The following HOMER2 variants were observed in gnomAD, a reference collection of about 807,000 sequenced individuals.
HOMER2 encodes the protein homer scaffold protein 2.
A neutral mutation model predicts 47.0 loss-of-function variants in HOMER2; 27 were observed. The observed-to-expected ratio is 0.57, with a 90% CI of 0.42 to 0.79. HOMER2 has a LOEUF of 0.79. Among genes scored for constraint, HOMER2 ranks in the 30% least tolerant of loss-of-function variants. The pLI, the probability that HOMER2 is intolerant of heterozygous loss-of-function variation, is 0.00. For missense variants in HOMER2, 443 were observed against 435.0 expected (o/e 1.02, Z -0.16); for synonymous variants, 161 against 163.8 (o/e 0.98, Z 0.13).
chr15:82,918,674 C>T lies in HOMER2; in HGVS notation c.6-25833G>A, dbSNP rs151334653. On this transcript the variant is annotated intron_variant, in intron 1 of 8. Transcript: ENST00000450735. ...CACCTTACCTCCCTGCTGCTGTTCT[C>T]CCTGCACCCCTATTTCAGTGACTCA... Among the ~76,000 whole-genome samples, 56 of 152,284 alleles carry T rather than the reference C, an allele frequency of 3.7e-4. 1 individual carries two copies. In the East Asian group the frequency reaches 0.01, roughly 28 times the overall value.
At chr15:82,964,250 C>T (rs948232821) in intron 1 of HOMER2, among the ~76,000 whole-genome samples, 9 of 152,216 alleles carry the variant, frequency 5.9e-5, no homozygotes, top group African/African-American at 1.9e-4. Context: ...GGTTCATTCA[C>T]GTTCAGGCTG....
At chr15:82,967,607 G>A (rs1249436326) in intron 1 of HOMER2, among the ~76,000 whole-genome samples, 1 of 152,324 alleles carries the variant, frequency 6.6e-6, no homozygotes, top group East Asian at 1.9e-4. Flanking sequence ...CAGGCACGGG[G>A]GCTCATGCCT....
At chr15:82,854,996 C>T (rs1596303398) in intron 5 of HOMER2, among the ~76,000 whole-genome samples, 196 bp from the exon 6 acceptor site, 1 of 152,212 alleles carries the variant, frequency 6.6e-6, no homozygotes, top group African/African-American at 2.4e-5. Flanking sequence ...CTGGTGTGAA[C>T]ATGTCATCCT....
At chr15:82,971,117 T>C (rs1029591261) in intron 1 of HOMER2, among the ~76,000 whole-genome samples, 1 of 152,232 alleles carries the variant, frequency 6.6e-6, no homozygotes, top group East Asian at 1.9e-4. Context: ...GGCACCTGTT[T>C]ACTGAGAACA....
At chr15:82,983,201 G>A (rs180776491) in intron 1 of HOMER2, among the ~76,000 whole-genome samples, 107 of 152,188 alleles carry the variant, frequency 7.0e-4, no homozygotes, top group African/African-American at 2.2e-3. Context: ...ACTACTGTAC[G>A]GAAAGTGAAA....
chr15:82,861,694 G>T (rs1216781200), intron 4 of HOMER2, among the ~76,000 whole-genome samples: 2 of 152,018 alleles, frequency 1.3e-5, no homozygotes, highest in African/African-American at 2.4e-5. Flanking sequence ...CCAAGTAATT[G>T]TGTGATTACT....
intron 1 of HOMER2, among the ~76,000 whole-genome samples, chr15:82,977,882 C>G (rs140957578): frequency 7.2e-5 from 11 of 152,190 alleles, no homozygotes; most frequent in Non-Finnish European, 1.0e-4. Flanking sequence ...CACGGTGGAT[C>G]ACACCTATAA....
chr15:82,980,732 C>T (rs1730592225), intron 1 of HOMER2, among the ~76,000 whole-genome samples: 1 of 152,180 alleles, frequency 6.6e-6, no homozygotes. Flanking sequence ...GAGATAAAAG[C>T]ATCAAATACT....
intron 1 of HOMER2, among the ~76,000 whole-genome samples, chr15:82,935,678 C>T (rs578244027): frequency 6.6e-6 from 1 of 152,302 alleles, no homozygotes; most frequent in South Asian, 2.1e-4. Context: ...TAACCTAAAA[C>T]CCAAAGGGGC....
chr15:82,838,835 A>G (rs1312132521), exon 2 of HOMER2: 2 of 152,200 alleles, frequency 1.3e-5, no homozygotes, highest in Non-Finnish European at 2.9e-5. Context: ...AAAATAGAGA[A>G]GGTCCTATTT....
intron 1 of HOMER2, among the ~76,000 whole-genome samples, chr15:82,982,035 A>C (rs77394885): frequency 0.013 from 1,982 of 152,346 alleles, 33 homozygotes; most frequent in South Asian, 0.05. Context: ...AATTTAAAAA[A>C]TATATCTGCT....
chr15:82,897,724 C>T (rs1268144036), intron 1 of HOMER2, among the ~76,000 whole-genome samples: 1 of 152,206 alleles, frequency 6.6e-6, no homozygotes, highest in Non-Finnish European at 1.5e-5. Flanking sequence ...GGAAAGACTC[C>T]AGCCAACTGA....
At chr15:82,978,573 G>T (rs911099935) in intron 1 of HOMER2, among the ~76,000 whole-genome samples, 1 of 152,084 alleles carries the variant, frequency 6.6e-6, no homozygotes, top group Non-Finnish European at 1.5e-5. Context: ...GTTCATTTAG[G>T]CAGTGATATG....
chr15:82,957,641 A>T (rs1481722871), upstream of HOMER2, among the ~76,000 whole-genome samples: 1 of 152,114 alleles, frequency 6.6e-6, no homozygotes, highest in East Asian at 1.9e-4. Context: ...CTGTCTCTTT[A>T]AGATGACACC....
chr15:82,929,924 T>C (rs1033531189), intron 1 of HOMER2, among the ~76,000 whole-genome samples: 4 of 151,712 alleles, frequency 2.6e-5, no homozygotes, highest in African/African-American at 9.7e-5. Flanking sequence ...GAGATGGGGC[T>C]TCTCCATGTT....
downstream of HOMER2, among the ~76,000 whole-genome samples, chr15:82,848,674 G>A (rs142402769): frequency 1.7e-3 from 262 of 152,294 alleles, no homozygotes; most frequent in Non-Finnish European, 2.8e-3. Flanking sequence ...CCTACCCTAG[G>A]TACCAAGCCC....
downstream of HOMER2, chr15:82,848,874 G>C (rs151180717): frequency 6.9e-3 from 1,052 of 152,438 alleles, 11 homozygotes; most frequent in Non-Finnish European, 6.3e-3. Flanking sequence ...TGACCAGACA[G>C]TGGTATTCAT....
intron 1 of HOMER2, among the ~76,000 whole-genome samples, chr15:82,906,861 T>G (rs557744564): frequency 6.6e-6 from 1 of 152,204 alleles, no homozygotes; most frequent in Admixed American, 6.5e-5. Context: ...AGAGCAGACT[T>G]AAGAGCAAGG....
chr15:82,899,759 A>C (rs1410500434), intron 1 of HOMER2, among the ~76,000 whole-genome samples: 1 of 152,194 alleles, frequency 6.6e-6, no homozygotes, highest in Non-Finnish European at 1.5e-5. Context: ...AAGGTGTTTC[A>C]TGCCTGTAAT....
Sources: allele counts gnomAD v4.1 joint callset (sites outside exome capture counted in the v4.1 genomes callset), GRCh38; gene constraint gnomAD v4.1.1; transcripts MANE v1.5; gene names NCBI Gene and HGNC (gene_info 2026-07-23, HGNC 2026-07-21).